The following ASTN2 variants were observed in gnomAD, a reference collection of about 807,000 sequenced individuals.
ASTN2 encodes astrotactin-2.
A neutral mutation model predicts 139.8 loss-of-function variants in ASTN2; 54 were observed. The ratio of observed to expected loss-of-function variants is 0.39; its 90% CI spans 0.31 to 0.48. The LOEUF (loss-of-function observed/expected upper bound fraction) is 0.48. Ranked by LOEUF, ASTN2 falls within the 20% of genes least tolerant of loss-of-function variation. The pLI is 0.95. For synonymous variants in ASTN2, 756 were observed against 719.5 expected (o/e 1.05, Z -0.81); for missense variants, 1,565 against 1,725.1 (o/e 0.91, Z 1.64).
intron 5 of ASTN2, among the ~76,000 whole-genome samples, chr9:117,070,889 G>T (rs1370059974): frequency 1.3e-5 from 2 of 148,342 alleles, no homozygotes; most frequent in Non-Finnish European, 3.0e-5. Flanking sequence ...CTCTGTATTG[G>T]TTATTCTAGT....
At chr9:116,856,006 C>T (rs991601433) in intron 11 of ASTN2, among the ~76,000 whole-genome samples, 1 of 152,118 alleles carries the variant, frequency 6.6e-6, no homozygotes, top group Non-Finnish European at 1.5e-5. Context: ...ATAGAGAATT[C>T]TCTGTCTGTG....
At chr9:117,214,145 A>G (rs1002334313) in intron 3 of ASTN2, among the ~76,000 whole-genome samples, 2 of 152,156 alleles carry the variant, frequency 1.3e-5, no homozygotes, top group African/African-American at 2.4e-5. Flanking sequence ...CACAACTCCA[A>G]TTCTGGGAGT....
intron 10 of ASTN2, among the ~76,000 whole-genome samples, chr9:116,884,639 T>C (rs1245796065): frequency 6.6e-6 from 1 of 151,914 alleles, no homozygotes. Context: ...GCCACTGCAC[T>C]CCAGCCTGGG....
chr9:116,431,616 C>T (rs1847499871), intron 22 of ASTN2, among the ~76,000 whole-genome samples: 1 of 152,164 alleles, frequency 6.6e-6, no homozygotes, highest in South Asian at 2.1e-4. Flanking sequence ...CCATTAGTTA[C>T]ATTGTTGTAG....
At chr9:116,776,288 T>C (rs1390509611) in intron 13 of ASTN2, among the ~76,000 whole-genome samples, 1 of 152,210 alleles carries the variant, frequency 6.6e-6, no homozygotes, top group Non-Finnish European at 1.5e-5. Context: ...GGGACTATCA[T>C]TAATAGAGTA....
At chr9:117,271,827 G>A (rs1039037666) in intron 2 of ASTN2, among the ~76,000 whole-genome samples, 5 of 152,140 alleles carry the variant, frequency 3.3e-5, no homozygotes, top group African/African-American at 1.2e-4. Flanking sequence ...CAACGTCTTG[G>A]GCAGCTCCAC....
intron 16 of ASTN2, among the ~76,000 whole-genome samples, chr9:116,719,642 A>G (rs1828416939): frequency 2.0e-5 from 3 of 152,094 alleles, no homozygotes; most frequent in Non-Finnish European, 4.4e-5. Context: ...ATAAAGTAGA[A>G]CTCATCAGTG....
At chr9:117,096,721 A>G (rs1828848787) in intron 4 of ASTN2, among the ~76,000 whole-genome samples, 1 of 152,154 alleles carries the variant, frequency 6.6e-6, no homozygotes, top group Non-Finnish European at 1.5e-5. Context: ...TCTGTTTACC[A>G]CTCAATGAGG....
At chr9:116,814,620 G>C (rs1376886116) in intron 12 of ASTN2, among the ~76,000 whole-genome samples, 1 of 152,070 alleles carries the variant, frequency 6.6e-6, no homozygotes, top group African/African-American at 2.4e-5. Flanking sequence ...TCCCACTTCA[G>C]AAATGTTAAA....
intron 19 of ASTN2, among the ~76,000 whole-genome samples, chr9:116,610,379 T>G (rs902600643): frequency 6.6e-6 from 1 of 152,020 alleles, no homozygotes; most frequent in African/African-American, 2.4e-5. Flanking sequence ...CTGAGGCGGG[T>G]GGATCACCAG....
At chr9:117,334,445 G>C (rs893173425) in intron 1 of ASTN2, among the ~76,000 whole-genome samples, 1 of 151,290 alleles carries the variant, frequency 6.6e-6, no homozygotes, top group Admixed American at 6.6e-5. Flanking sequence ...TCACCCTCAG[G>C]GTCACTGTAA....
intron 5 of ASTN2, among the ~76,000 whole-genome samples, chr9:117,054,568 G>T (rs1002526539): frequency 1.3e-5 from 2 of 152,190 alleles, no homozygotes; most frequent in African/African-American, 4.8e-5. Flanking sequence ...GTCATAGAAT[G>T]ATTACCAAGA....
Position 117,245,092 on chromosome 9 carries a change from G to A in ASTN2, c.631-30350C>T, listed in dbSNP as rs371170461. On this transcript the variant is annotated intron_variant, in intron 2 of 22. Transcript: ENST00000313400. ...TGAACAAAACTAAAAAAAAGAGCTC[G>A]ATTCATCCTCCGTGGCCTCCACGGT... Among the ~76,000 whole-genome samples, 36 of 152,044 alleles carry A rather than the reference G, an allele frequency of 2.4e-4. No homozygotes were observed. In the East Asian group the frequency reaches 3.5e-3, roughly 15 times the overall value.
In ASTN2 at chr9:116,632,172, G is replaced by A. The variant is rs568923331; in HGVS notation, c.3073-11729C>T. ...AGAGAGAGAGACAGAGAGAGAGAGA[G>A]AGAGAGAGAGAGGGAGAGAGAGAGA... On this transcript the variant is annotated intron_variant, in intron 17 of 22. Transcript: ENST00000313400. Among the ~76,000 whole-genome samples, 308 of 32,702 alleles carry A rather than the reference G, an allele frequency of 9.4e-3. 7 individuals are homozygous for A. Among genetic ancestry groups the A allele is most frequent in the African/African-American group, 0.037 (291 of 7,938 alleles). 21.5% of individuals were successfully genotyped at this position (32,702 alleles called of 152,430 possible). A position where few individuals can be genotyped will look rare whatever the true frequency, so the allele number is the denominator to read the frequency against.
At chr9:116,636,104 C>A (rs1346979052) in intron 17 of ASTN2, among the ~76,000 whole-genome samples, 7 of 152,138 alleles carry the variant, frequency 4.6e-5, no homozygotes, top group African/African-American at 1.7e-4. Flanking sequence ...AGCTATGGAA[C>A]CAGACAAACA....
At chr9:117,171,787 C>G (rs1830800899) in intron 3 of ASTN2, among the ~76,000 whole-genome samples, 1 of 152,108 alleles carries the variant, frequency 6.6e-6, no homozygotes, top group Admixed American at 6.6e-5. Flanking sequence ...CCATGTGGAA[C>G]TGTGACTCAA....
At chr9:116,605,505 G>T (rs1855146288) in intron 19 of ASTN2, among the ~76,000 whole-genome samples, 1 of 152,144 alleles carries the variant, frequency 6.6e-6, no homozygotes, top group South Asian at 2.1e-4. Context: ...AATATCACCA[G>T]ACAGAAAAAC....
chr9:116,559,288 T>C (rs1420981799), intron 19 of ASTN2, among the ~76,000 whole-genome samples: 1 of 152,192 alleles, frequency 6.6e-6, no homozygotes, highest in Non-Finnish European at 1.5e-5. Flanking sequence ...GCTGAGACCT[T>C]GGATATCTCA....
chr9:117,114,073 A>G (rs560608248), intron 4 of ASTN2, among the ~76,000 whole-genome samples: 3 of 152,078 alleles, frequency 2.0e-5, no homozygotes, highest in Non-Finnish European at 4.4e-5. Context: ...CAAAATTTAT[A>G]TGTTAGTAGT....
Sources: allele counts gnomAD v4.1 joint callset (sites outside exome capture counted in the v4.1 genomes callset), GRCh38; gene constraint gnomAD v4.1.1; transcripts MANE v1.5; gene names NCBI Gene and HGNC (gene_info 2026-07-23, HGNC 2026-07-21).